The following ETV6 variants were observed in gnomAD, a reference collection of about 807,000 sequenced individuals.
The protein encoded by ETV6 is ETS variant transcription factor 6, also known as transcription factor ETV6.
In ETV6, 16 loss-of-function variants were observed where a neutral mutation model predicts 51.1. The observed-to-expected ratio is 0.31, with a 90% CI of 0.21 to 0.48. ETV6 has a LOEUF of 0.48. Among genes scored for constraint, ETV6 ranks in the 20% least tolerant of loss-of-function variants. The probability of loss-of-function intolerance (pLI) is 0.99; values close to 1 mark genes in which losing one functional copy is unlikely to be tolerated. For synonymous variants in ETV6, 240 were observed against 224.1 expected, an observed-to-expected ratio of 1.07 and a Z score of -0.64; for missense variants, 458 against 594.8, an observed-to-expected ratio of 0.77 and a Z score of 2.39.
At chr12:11,884,705 T>G in intron 6 of ETV6, 118 bp downstream of exon 6, 1 of 1,285,582 alleles carries the variant, frequency 7.8e-7, no homozygotes, top group Non-Finnish European at 1.1e-6. Context: ...TTATTTAGTT[T>G]ATTCCTTGCT....
chr12:11,723,034 G>A (rs1000748375), intron 1 of ETV6, among the ~76,000 whole-genome samples: 5 of 152,184 alleles, frequency 3.3e-5, no homozygotes, highest in Admixed American at 1.3e-4. Flanking sequence ...GCTGAGCTCC[G>A]AAGTCAGACT....
chr12:11,673,689 C>A (rs763645940), intron 1 of ETV6, among the ~76,000 whole-genome samples: 1 of 152,216 alleles, frequency 6.6e-6, no homozygotes, highest in African/African-American at 2.4e-5. Flanking sequence ...CAGTTTCTCT[C>A]TTATGTAAGA....
intron 1 of ETV6, among the ~76,000 whole-genome samples, chr12:11,658,487 G>A (rs967401569): frequency 6.6e-6 from 1 of 152,152 alleles, no homozygotes; most frequent in African/African-American, 2.4e-5. Context: ...CTCCTGCCTC[G>A]GCCTCTGAAA....
chr12:11,664,670 T>G lies in ETV6; in HGVS notation c.33+14510T>G, dbSNP rs145120968. ...ACTAACAGACTCTTCCCCTTGTTGC[T>G]TCTTACTGCTACTGGAATGGAAGCT... On this transcript the variant is annotated intron_variant, in intron 1 of 7. Coordinates refer to ENST00000396373, the MANE Select transcript of ETV6 (RefSeq NM_001987.5). 2.0e-5 allele frequency among the ~76,000 whole-genome samples: 3 copies of G among 152,320 alleles called. No homozygotes were observed. The East Asian group carries it at 5.8e-4, about 29-fold the overall frequency.
At chr12:11,831,455 C>A (rs1339152287) in intron 2 of ETV6, among the ~76,000 whole-genome samples, 1 of 152,198 alleles carries the variant, frequency 6.6e-6, no homozygotes, top group Non-Finnish European at 1.5e-5. Context: ...AAACTCCTGA[C>A]CTCAAGCAAT....
chr12:11,711,691 T>C (rs1865175141), intron 1 of ETV6, among the ~76,000 whole-genome samples: 1 of 152,226 alleles, frequency 6.6e-6, no homozygotes, highest in Non-Finnish European at 1.5e-5. Context: ...AAGGGAGCAA[T>C]GGCCCCTGGG....
chr12:11,842,808 G>A (rs986690098), intron 3 of ETV6, among the ~76,000 whole-genome samples: 6 of 152,174 alleles, frequency 3.9e-5, no homozygotes, highest in African/African-American at 1.4e-4. Flanking sequence ...CTAATGGGAG[G>A]CAGTGAAGCC....
chr12:11,663,818 A>G (rs895328677), intron 1 of ETV6, among the ~76,000 whole-genome samples: 2 of 152,128 alleles, frequency 1.3e-5, no homozygotes, highest in Admixed American at 6.5e-5. Context: ...GTGAACTGAA[A>G]AAATAAAGTG....
chr12:11,653,683 G>A (rs922890697), intron 1 of ETV6, among the ~76,000 whole-genome samples: 22 of 152,030 alleles, frequency 1.4e-4, no homozygotes, highest in Non-Finnish European at 3.1e-4. Context: ...TCAGGGTGAC[G>A]TAACACTTTC....
chr12:11,776,458 T>C (rs1279195006), intron 2 of ETV6, among the ~76,000 whole-genome samples: 1 of 152,142 alleles, frequency 6.6e-6, no homozygotes, highest in Non-Finnish European at 1.5e-5. Flanking sequence ...TTTCCCAGGC[T>C]GGTCTCCAAG....
intron 2 of ETV6, among the ~76,000 whole-genome samples, chr12:11,830,840 A>T (rs970784514): frequency 6.6e-6 from 1 of 152,218 alleles, no homozygotes; most frequent in Admixed American, 6.5e-5. Flanking sequence ...GAGCATTGCT[A>T]ATTTGCACTC....
intron 1 of ETV6, among the ~76,000 whole-genome samples, chr12:11,718,168 A>G (rs998808156): frequency 6.6e-6 from 1 of 152,124 alleles, no homozygotes; most frequent in African/African-American, 2.4e-5. Context: ...TTTTGTGTGC[A>G]TTGAGAGGCC....
rs542501513 is a variant in ETV6 at position 11,816,952 on chromosome 12, G to A, written c.164-22188G>A. On this transcript the variant is annotated intron_variant, in intron 2 of 7. Transcript: ENST00000396373. ...TGTTCACAGTCCCAAGCCAGGGATA[G>A]CACATGCCATTACCATAGTGGGCTG... 7.2e-5 allele frequency among the ~76,000 whole-genome samples: 11 copies of A among 152,358 alleles called. No individual in the cohort carries two copies. In the South Asian group the frequency reaches 1.4e-3, roughly 20 times the overall value.
chr12:11,686,315 A>G (rs1049144915), intron 1 of ETV6, among the ~76,000 whole-genome samples: 1 of 152,136 alleles, frequency 6.6e-6, no homozygotes, highest in Non-Finnish European at 1.5e-5. Flanking sequence ...TTTATGGTAG[A>G]TTCAGTTTGT....
At chr12:11,814,438 G>C (rs575431105) in intron 2 of ETV6, among the ~76,000 whole-genome samples, 1 of 151,678 alleles carries the variant, frequency 6.6e-6, no homozygotes, top group South Asian at 2.1e-4. Flanking sequence ...TTTTTTTTCA[G>C]AGTAAGTATT....
chr12:11,887,116 G>C (rs1257854305), intron 7 of ETV6, among the ~76,000 whole-genome samples: 1 of 152,044 alleles, frequency 6.6e-6, no homozygotes, highest in Non-Finnish European at 1.5e-5. Context: ...AACGGGAAAG[G>C]CTCTTCAGGA....
intron 1 of ETV6, among the ~76,000 whole-genome samples, chr12:11,717,837 C>G (rs1028792382): frequency 6.6e-6 from 1 of 152,182 alleles, no homozygotes; most frequent in Non-Finnish European, 1.5e-5. Context: ...CCCACTCAGC[C>G]TGATCAGTGG....
chr12:11,891,159 C>G lies in ETV6; in HGVS notation c.*113C>G, dbSNP rs945858306. The G allele has an allele frequency of 5.1e-6, 4 of 779,740 alleles. No homozygotes were observed. The African/African-American group carries it at 7.0e-5, about 14-fold the overall frequency. 48.3% of individuals were successfully genotyped at this position (779,740 alleles called of 1,614,324 possible). On this transcript the variant is annotated 3_prime_UTR_variant, in exon 8 of 8. Transcript: ENST00000396373. Reference sequence around the variant, plus strand: ...TGAGGAGAGTGGAAAAGGAAGCGACCCAGAAATGGCAGGGACACTTCTCTT... The same window carrying G: ...TGAGGAGAGTGGAAAAGGAAGCGACGCAGAAATGGCAGGGACACTTCTCTT...
chr12:11,826,176 GC>G (rs1364736968), intron 2 of ETV6, among the ~76,000 whole-genome samples: 2 of 152,102 alleles, frequency 1.3e-5, no homozygotes, highest in Non-Finnish European at 2.9e-5. Context: ...CAGGAGGCCA[GC>G]CTGCAGACCG....
Sources: gnomAD v4.1 joint callset for allele counts (sites outside exome capture counted in the v4.1 genomes callset) on GRCh38, gnomAD v4.1.1 for gene constraint, MANE v1.5 for transcripts, NCBI Gene and HGNC (gene_info 2026-07-23, HGNC 2026-07-21) for gene names.